Variants in SSPN observed in about 807,000 individuals in gnomAD.
SSPN encodes the protein K-ras oncogene-associated protein.
SSPN carries 15 observed loss-of-function variants against 19.1 expected under a neutral mutation model. The ratio of observed to expected loss-of-function variants is 0.78; its 90% CI spans 0.52 to 1.21. The LOEUF (loss-of-function observed/expected upper bound fraction) is 1.21, where lower values mean the gene tolerates loss of function less well. Ranked by LOEUF, SSPN falls within the 50% of genes most tolerant of loss-of-function variation. The pLI is 0.00. For synonymous variants in SSPN, 147 were observed against 140.3 expected, an observed-to-expected ratio of 1.05 and a Z score of -0.34; for missense variants, 291 against 314.0, an observed-to-expected ratio of 0.93 and a Z score of 0.55.
chr12:26,169,984 G>C (rs1022854589), intron 1 of SSPN, among the ~76,000 whole-genome samples: 1 of 152,130 alleles, frequency 6.6e-6, no homozygotes, highest in Non-Finnish European at 1.5e-5. Flanking sequence ...CCTATTGAGG[G>C]GTTCCAGAGG....
At chr12:26,206,567 G>A (rs571205685) in intron 1 of SSPN, among the ~76,000 whole-genome samples, 5 of 152,136 alleles carry the variant, frequency 3.3e-5, no homozygotes, top group Non-Finnish European at 5.9e-5. Context: ...CCTAATTTGA[G>A]AACTGACTTA....
At chr12:26,210,428 C>T (rs761799514) in intron 1 of SSPN, among the ~76,000 whole-genome samples, 3 of 152,058 alleles carry the variant, frequency 2.0e-5, no homozygotes, top group Non-Finnish European at 4.4e-5. Context: ...AAGATCTATA[C>T]ACTGCAGTTG....
At chr12:26,124,568 G>A in intron 1 of SSPN, 1 of 1,614,114 alleles carries the variant, frequency 6.2e-7, no homozygotes, top group Non-Finnish European at 8.5e-7. Context: ...CATATACAAA[G>A]AGGAATAGTC....
At chr12:26,199,530 C>CA (rs1421797469) in intron 1 of SSPN, among the ~76,000 whole-genome samples, 1 of 152,152 alleles carries the variant, frequency 6.6e-6, no homozygotes, top group Non-Finnish European at 1.5e-5. Context: ...TTTGAGGATG[C>CA]ACTTGGCTGG....
chr12:26,225,686 A>G (rs1945168776), intron 2 of SSPN, among the ~76,000 whole-genome samples: 1 of 151,576 alleles, frequency 6.6e-6, no homozygotes, highest in Non-Finnish European at 1.5e-5. Flanking sequence ...TAGAGTAGAC[A>G]TCAGTCTATG....
At chr12:26,131,851 G>A (rs1203568495) in intron 1 of SSPN, among the ~76,000 whole-genome samples, 1 of 152,186 alleles carries the variant, frequency 6.6e-6, no homozygotes, top group Non-Finnish European at 1.5e-5. Context: ...GAGACCTTAG[G>A]TAACTTGTCT....
At chr12:26,182,597 CCCTTCCCTTCCCTT>C (rs1173437084) in intron 1 of SSPN, among the ~76,000 whole-genome samples, 1 of 41,514 alleles carries the variant, frequency 2.4e-5, no homozygotes, top group Non-Finnish European at 7.6e-5. Flanking sequence ...CCCTTCCCTT[CCCTTCCCTTCCCTT>C]CCCTTCCCTT....
intron 1 of SSPN, among the ~76,000 whole-genome samples, chr12:26,138,659 G>GC (rs200746337): frequency 0.15 from 23,097 of 151,954 alleles, 4,059 homozygotes; most frequent in African/African-American, 0.43. Flanking sequence ...ATTGCACAAG[G>GC]AAAGTCTAGA....
At position 26,231,788 on chromosome 12, in the gene SSPN, A is replaced by T; in HGVS notation, c.*712A>T. On this transcript the variant is annotated 3_prime_UTR_variant, in exon 3 of 3. Coordinates refer to ENST00000242729, the MANE Select transcript of SSPN (RefSeq NM_005086.5). ...GGTGGTGGTAGTTGTATTCTAAATGATGTAGAAGGTTTAAAAATAATTACA... is the reference window on the plus strand; with the variant it reads ...GGTGGTGGTAGTTGTATTCTAAATGTTGTAGAAGGTTTAAAAATAATTACA... The T allele has an allele frequency of 3.3e-6, 1 of 303,398 alleles. No homozygotes were observed. Among genetic ancestry groups the T allele is most frequent in the Non-Finnish European group, 4.8e-6 (1 of 206,480 alleles). The allele number at this position is 303,398 out of a possible 1,614,324, so 18.8% of individuals were successfully genotyped here.
At chr12:26,189,058 G>A (rs1362311348) in intron 1 of SSPN, among the ~76,000 whole-genome samples, 1 of 151,894 alleles carries the variant, frequency 6.6e-6, no homozygotes, top group Non-Finnish European at 1.5e-5. Context: ...ACCTGAAAAG[G>A]TTACTTAGCC....
At chr12:26,126,936 A>G (rs960145024) in intron 1 of SSPN, among the ~76,000 whole-genome samples, 15 of 152,132 alleles carry the variant, frequency 9.9e-5, no homozygotes, top group African/African-American at 3.1e-4. Flanking sequence ...CCTCTCTCCT[A>G]TTTCCAAAAG....
intron 1 of SSPN, among the ~76,000 whole-genome samples, chr12:26,171,404 G>T (rs576015351): frequency 6.6e-6 from 1 of 152,162 alleles, no homozygotes; most frequent in Non-Finnish European, 1.5e-5. Flanking sequence ...ACCCCTGGAG[G>T]TCCCTGAGAC....
At chr12:26,177,741 CAT>C (rs1411588495) in intron 1 of SSPN, among the ~76,000 whole-genome samples, 2 of 152,138 alleles carry the variant, frequency 1.3e-5, no homozygotes, top group Non-Finnish European at 2.9e-5. Context: ...TCCTAAGTGT[CAT>C]ATGATCTGTC....
At chr12:26,230,240 G>A (rs1447130014) in intron 2 of SSPN, among the ~76,000 whole-genome samples, 1 of 152,168 alleles carries the variant, frequency 6.6e-6, no homozygotes, top group Non-Finnish European at 1.5e-5. Context: ...ATTAACTTAT[G>A]CTATTAGTTG....
Position 26,123,117 on chromosome 12 carries a change from G to C in SSPN, c.-31+965G>C, listed in dbSNP as rs376849170. ...TTCTTTGGCGCATGTTTGAAATCCC[G>C]AGTGGAACGCATCCAAGTCGGACTG... On this transcript the variant is annotated intron_variant, in intron 1 of 2. Transcript: ENST00000538142. The C allele has an allele frequency of 2.4e-5, 38 of 1,610,040 alleles. No homozygotes were observed. In the African/African-American group the frequency reaches 4.4e-4, roughly 19 times the overall value.
intron 1 of SSPN, among the ~76,000 whole-genome samples, chr12:26,136,658 G>A (rs1364901201): frequency 6.6e-6 from 1 of 152,136 alleles, no homozygotes; most frequent in Non-Finnish European, 1.5e-5. Flanking sequence ...AAGTTCAAGA[G>A]GTAAACCTAT....
chr12:26,150,557 A>G (rs753861798), intron 1 of SSPN, among the ~76,000 whole-genome samples: 4 of 91,702 alleles, frequency 4.4e-5, no homozygotes, highest in Non-Finnish European at 9.9e-5. Flanking sequence ...TTAAAACAGA[A>G]GCCAAATGAA....
intron 1 of SSPN, among the ~76,000 whole-genome samples, chr12:26,142,323 C>T (rs1194065067): frequency 6.6e-6 from 1 of 152,014 alleles, no homozygotes; most frequent in African/African-American, 2.4e-5. Flanking sequence ...ACGATATGGC[C>T]ATTTTCAAGA....
chr12:26,192,239 C>A, upstream of SSPN, among the ~76,000 whole-genome samples: 1 of 152,172 alleles, frequency 6.6e-6, no homozygotes, highest in East Asian at 1.9e-4. Context: ...CAATCTTTGT[C>A]AGTTTTGAAT....
Sources: allele counts gnomAD v4.1 joint callset (sites outside exome capture counted in the v4.1 genomes callset), GRCh38; gene constraint gnomAD v4.1.1; transcripts MANE v1.5; gene names NCBI Gene and HGNC (gene_info 2026-07-23, HGNC 2026-07-21).